Variants in GGA1 observed in about 807,000 individuals in gnomAD.
The protein encoded by GGA1 is ADP-ribosylation factor-binding protein GGA1.
In GGA1, 18 loss-of-function variants were observed where a neutral mutation model predicts 76.9. That is an observed-to-expected ratio of 0.23 (90% CI 0.16 to 0.35). The LOEUF (loss-of-function observed/expected upper bound fraction) is 0.35, where lower values mean the gene tolerates loss of function less well. GGA1 is among the 10% of genes least tolerant of loss of function. The pLI, the probability that GGA1 is intolerant of heterozygous loss-of-function variation, is 1.00. For synonymous variants in GGA1, 342 were observed against 354.7 expected, an observed-to-expected ratio of 0.96 and a Z score of 0.40; for missense variants, 755 against 859.0, an observed-to-expected ratio of 0.88 and a Z score of 1.51.
In GGA1 at chr22:37,632,515, G is replaced by C; in HGVS notation, c.1809G>C (p.Lys603Asn). 3.1e-6 allele frequency: 5 copies of C among 1,609,678 alleles called. No homozygotes were observed. Among genetic ancestry groups the C allele is most frequent in the Non-Finnish European group, 4.3e-6 (5 of 1,176,108 alleles). The change falls in exon 16 of 17, where the codon AAG becomes AAC. Residue 603 changes from lysine (K) to asparagine (N), a missense_variant and splice_region_variant. Coordinates refer to ENST00000343632, the MANE Select transcript of GGA1 (RefSeq NM_013365.5). The surrounding 1 kb of genome is among the most constrained non-coding windows in gnomAD (Gnocchi z 5.1). ...TCCTGCTGCTTGCCAACCCCCAGAAGGTAAGGGGCCCCCAGGCAGTGCTGC... is the reference window on the plus strand; with the variant it reads ...TCCTGCTGCTTGCCAACCCCCAGAACGTAAGGGGCCCCCAGGCAGTGCTGC... ...TQVLLLANPQKEKVRLRYKLT... is the reference protein window; with the variant it reads ...TQVLLLANPQNEKVRLRYKLT...
At chr22:37,631,874 G>GA in intron 14 of GGA1, 122 bp from the exon 15 acceptor site, 1 of 762,034 alleles carries the variant, frequency 1.3e-6, no homozygotes, top group Non-Finnish European at 2.1e-6. Context: ...GGCCCCAAAG[G>GA]AGGACTTTGC....
At chr22:37,616,124 G>A (rs996048373) in intron 2 of GGA1, among the ~76,000 whole-genome samples, 23 of 152,234 alleles carry the variant, frequency 1.5e-4, no homozygotes, top group Non-Finnish European at 2.4e-4. Flanking sequence ...TTACAGGCAT[G>A]AGCCACCGTG....
In GGA1 at chr22:37,630,136, C is replaced by G. The variant is rs1931541403; in HGVS notation, c.1297C>G (p.Gln433Glu). 1.9e-6 allele frequency: 3 copies of G among 1,598,760 alleles called. No homozygotes were observed. The highest frequency in any genetic ancestry group is 2.6e-6 in the Non-Finnish European group (3 of 1,173,752). The change falls in exon 13 of 17, where the codon CAG becomes GAG. Residue 433 changes from glutamine to glutamate, a missense_variant. Gln to Glu is a conservative substitution (Grantham distance 29). Coordinates refer to ENST00000343632, the MANE Select transcript of GGA1 (RefSeq NM_013365.5). Reference sequence around the variant, plus strand: ...CCTCCTGGGGAAGACCCTCCTGCAGCAGTCGCTGCCCCCGGAATCCCAGCA... The same window carrying G: ...CCTCCTGGGGAAGACCCTCCTGCAGGAGTCGCTGCCCCCGGAATCCCAGCA... ...LDLLGKTLLQ[Q>E]SLPPESQQVR...
At chr22:37,631,265 C>T (rs1931759049) in intron 14 of GGA1, among the ~76,000 whole-genome samples, 166 bp downstream of exon 14, 1 of 152,192 alleles carries the variant, frequency 6.6e-6, no homozygotes, top group South Asian at 2.1e-4. Context: ...AGTCAGTTTC[C>T]TTATCTGCCC....
At chr22:37,627,913 C>T (rs931503165) in intron 11 of GGA1, among the ~76,000 whole-genome samples, 8 of 152,214 alleles carry the variant, frequency 5.3e-5, no homozygotes, top group Non-Finnish European at 8.8e-5. Flanking sequence ...GCAGCCTTAA[C>T]CTCCCCCGTC....
chr22:37,617,937 C>A (rs1929116346), intron 3 of GGA1: 1 of 160,528 alleles, frequency 6.2e-6, no homozygotes, highest in African/African-American at 2.4e-5. Flanking sequence ...GCCTGACCAA[C>A]ATGGAGAAGC....
At chr22:37,621,742 T>C (rs1398998189) in intron 7 of GGA1, 46 bp downstream of exon 7, 3 of 1,302,540 alleles carry the variant, frequency 2.3e-6, no homozygotes, top group Non-Finnish European at 2.2e-6. Flanking sequence ...GATGGGGGTA[T>C]TGAGCTGGGC....
intron 1 of GGA1, chr22:37,613,022 A>AGGGGAGACAGGTGTGGACATGAGTGGC: frequency 1.0e-6 from 1 of 985,426 alleles, no homozygotes; most frequent in Non-Finnish European, 1.2e-6. Flanking sequence ...TCATTTGCCA[A>AGGGGAGACAGGTGTGGACATGAGTGGC]GGGGAGACAG....
At position 37,632,270 on chromosome 22, in the gene GGA1, G is replaced by T; in HGVS notation, c.1698+105G>T. 1 of 1,340,740 alleles carries T rather than the reference G, an allele frequency of 7.5e-7. No homozygotes were observed. 83.1% of individuals were successfully genotyped at this position (1,340,740 alleles called of 1,614,324 possible). A position where few individuals can be genotyped will look rare whatever the true frequency, so the allele number is the denominator to read the frequency against. On this transcript the variant is annotated intron_variant, in intron 15 of 16. Coordinates refer to ENST00000343632, the MANE Select transcript of GGA1 (RefSeq NM_013365.5). This position sits in a 1 kb window ranked among gnomAD's most constrained non-coding sequence, Gnocchi z 5.1. ...AGGGGGCAGGTCTCCCTCCCTTGCT[G>T]GGTGGTTGGTGTAGAAGGGACCAGA...
chr22:37,632,954 G>A lies in GGA1; in HGVS notation c.*243G>A, dbSNP rs892629976. On this transcript the variant is annotated 3_prime_UTR_variant, in exon 17 of 17. Transcript: ENST00000343632. The surrounding 1 kb of genome is among the most constrained non-coding windows in gnomAD (Gnocchi z 5.1). ...TTGTGCCGCTGGGGTCTCCATCACC[G>A]GGACCTGGAGAGGGAGGGGCTGTGT... The A allele has an allele frequency of 2.2e-5, 12 of 542,684 alleles. No individual in the cohort carries two copies. Among genetic ancestry groups the A allele is most frequent in the African/African-American group, 2.1e-4 (11 of 52,922 alleles). 33.6% of individuals were successfully genotyped at this position (542,684 alleles called of 1,614,324 possible). A position where few individuals can be genotyped will look rare whatever the true frequency, so the allele number is the denominator to read the frequency against.
At chr22:37,631,939 G>C (rs1342408135) in intron 14 of GGA1, 57 bp from the exon 15 acceptor site, 2 of 1,499,432 alleles carry the variant, frequency 1.3e-6, no homozygotes, top group African/African-American at 2.7e-5. Flanking sequence ...GGGGCTGGGG[G>C]CTGAGCGGAT....
Position 37,625,009 on chromosome 22 carries a change from C to G in GGA1, c.873C>G (p.Ile291Met). 1.2e-6 allele frequency: 2 copies of G among 1,600,936 alleles called. No individual in the cohort carries two copies. The highest frequency in any genetic ancestry group is 1.7e-6 in the Non-Finnish European group (2 of 1,174,400). Residue 291 changes from isoleucine to methionine, a missense_variant, in exon 10 of 17, where the codon ATC becomes ATG. Physicochemically the swap from Ile to Met is conservative, Grantham distance 10 (BLOSUM62 1). Coordinates refer to ENST00000343632, the MANE Select transcript of GGA1 (RefSeq NM_013365.5). The surrounding 1 kb of genome is among the most constrained non-coding windows in gnomAD (Gnocchi z 4.1). ...CCAATGACAACCTCACCCAGGTGAT[C>G]AACCTGTATAAGCAGCTGGTGCGGG... ...LQANDNLTQV[I>M]NLYKQLVRGE...
rs944443254 is a variant in GGA1, at chr22:37,632,910, T to C, written c.*199T>C. ...CCCGCCCCTGCTGAGCCAAACCCAG[T>C]AGGAGGCTGGGCCTGGGTTTGTGCC... On this transcript the variant is annotated 3_prime_UTR_variant, in exon 17 of 17. Transcript: ENST00000343632. The surrounding 1 kb of genome is among the most constrained non-coding windows in gnomAD (Gnocchi z 5.1). 3.5e-6 allele frequency: 2 copies of C among 577,826 alleles called. No individual in the cohort carries two copies. The highest frequency in any genetic ancestry group is 3.1e-6 in the Non-Finnish European group (1 of 321,932). 35.8% of individuals were successfully genotyped at this position (577,826 alleles called of 1,614,324 possible). A position where few individuals can be genotyped will look rare whatever the true frequency, so the allele number is the denominator to read the frequency against.
chr22:37,631,774 C>T (rs1931840343), intron 14 of GGA1, among the ~76,000 whole-genome samples: 1 of 152,210 alleles, frequency 6.6e-6, no homozygotes, highest in South Asian at 2.1e-4. Context: ...GGGTGGGTGT[C>T]CTGCCTCCAC....
chr22:37,610,291 A>G (rs1297784010), intron 1 of GGA1: 1 of 151,976 alleles, frequency 6.6e-6, no homozygotes, highest in Non-Finnish European at 1.5e-5. Context: ...GTGTCCTAGC[A>G]GAATTGTAAG....
At chr22:37,614,389 T>G (rs1490715533) in intron 2 of GGA1, 115 bp downstream of exon 2, 2 of 731,548 alleles carry the variant, frequency 2.7e-6, no homozygotes, top group Non-Finnish European at 4.9e-6. Flanking sequence ...ATTCACAAAG[T>G]GATGAGGATG....
Position 37,631,023 on chromosome 22 carries a change from C to T in GGA1, c.1452C>T (p.Pro484=), listed in dbSNP as rs1931716605. ...TCCACACCGTGTCCCCAGAGCCCCC[C>T]AGGCCTCCGCAGCAGCCCGTACCAA... is the stretch of plus-strand genomic sequence containing the variant. The part of the protein sequence containing the change: ...SLLHTVSPEP[P]RPPQQPVPTE... Residue 484 remains proline (P), a synonymous_variant, in exon 14 of 17, where the codon CCC becomes CCT. Coordinates refer to ENST00000343632, the MANE Select transcript of GGA1 (RefSeq NM_013365.5). The T allele has an allele frequency of 1.2e-6, 2 of 1,613,362 alleles. No homozygotes were observed. Among genetic ancestry groups the T allele is most frequent in the Admixed American group, 3.3e-5 (2 of 59,848 alleles).
At chr22:37,609,187 G>A (rs748544215) in intron 1 of GGA1, 4 of 1,396,018 alleles carry the variant, frequency 2.9e-6, no homozygotes, top group Middle Eastern at 3.7e-4. Context: ...GGGACGGAGA[G>A]AGCAGCCTCC....
At chr22:37,612,849 A>T in intron 1 of GGA1, 1 of 847,922 alleles carries the variant, frequency 1.2e-6, no homozygotes. Flanking sequence ...CATGTAAGCT[A>T]GATTGTTGTT....
Sources: gnomAD v4.1 joint callset for allele counts (sites outside exome capture counted in the v4.1 genomes callset) on GRCh38, gnomAD v4.1.1 for gene constraint, Gnocchi (gnomAD v3.1) non-coding constraint, MANE v1.5 for transcripts, NCBI Gene and HGNC (gene_info 2026-07-23, HGNC 2026-07-21) for gene names.